SUMF1: variants seen among roughly 807,000 people sequenced by gnomAD.
SUMF1 encodes the protein formylglycine-generating enzyme.
In SUMF1, 48 loss-of-function variants were observed where a neutral mutation model predicts 47.6. That is an observed-to-expected ratio of 1.01 (90% CI 0.80 to 1.28). The LOEUF (loss-of-function observed/expected upper bound fraction) is 1.28, where lower values mean the gene tolerates loss of function less well. SUMF1 is among the 50% of genes most tolerant of loss of function. The probability of loss-of-function intolerance (pLI) is 0.00; values close to 1 mark genes in which losing one functional copy is unlikely to be tolerated. For synonymous variants in SUMF1, 230 were observed against 192.1 expected (o/e 1.20, Z -1.63); for missense variants, 571 against 485.4 (o/e 1.18, Z -1.66).
At chr3:4,291,118 A>G (rs1209470327) in intron 8 of SUMF1, among the ~76,000 whole-genome samples, 2 of 152,192 alleles carry the variant, frequency 1.3e-5, no homozygotes, top group Non-Finnish European at 2.9e-5. Flanking sequence ...TGTCCGCCAA[A>G]TATTATAATA....
chr3:4,267,646 A>C (rs1482105896), intron 8 of SUMF1, among the ~76,000 whole-genome samples: 81 of 152,004 alleles, frequency 5.3e-4, no homozygotes, highest in South Asian at 3.3e-3. Context: ...TGCTCACCAT[A>C]ACTGGCCATC....
intron 9 of SUMF1, among the ~76,000 whole-genome samples, chr3:4,034,745 A>AG (rs1352193153): frequency 6.6e-6 from 1 of 152,086 alleles, no homozygotes; most frequent in Non-Finnish European, 1.5e-5. Context: ...GCAATTGATG[A>AG]ACTACAATAC....
At chr3:4,436,861 A>C (rs1346313170) in intron 3 of SUMF1, among the ~76,000 whole-genome samples, 2 of 98,066 alleles carry the variant, frequency 2.0e-5, no homozygotes, top group Non-Finnish European at 5.4e-5. Flanking sequence ...TAAAAAAAAA[A>C]AAATACAAAA....
rs911275938 is a variant in SUMF1, at chr3:4,362,317, T to G, written c.1015-63A>C. The G allele has an allele frequency of 1.0e-5, 14 of 1,364,632 alleles. No individual in the cohort carries two copies. The African/African-American group carries it at 1.9e-4, about 18-fold the overall frequency. The allele number at this position is 1,364,632 out of a possible 1,614,324, so 84.5% of individuals were successfully genotyped here. A position where few individuals can be genotyped will look rare whatever the true frequency, so the allele number is the denominator to read the frequency against. ...ACTCTCAGCTGAAGGCTCTAACCCA[T>G]CAGATGCATATTGCACCGGCTGTAG... is the stretch of plus-strand genomic sequence containing the variant. On this transcript the variant is annotated intron_variant, in intron 8 of 8. Coordinates refer to ENST00000272902, the MANE Select transcript of SUMF1 (RefSeq NM_182760.4).
chr3:4,439,299 G>A (rs1014183421), intron 3 of SUMF1, among the ~76,000 whole-genome samples: 2 of 152,046 alleles, frequency 1.3e-5, no homozygotes, highest in African/African-American at 4.8e-5. Flanking sequence ...TGAGGCAGGC[G>A]GATCGCTTGA....
At chr3:4,132,552 C>T (rs1440296298) in intron 8 of SUMF1, among the ~76,000 whole-genome samples, 1 of 152,126 alleles carries the variant, frequency 6.6e-6, no homozygotes, top group Non-Finnish European at 1.5e-5. Context: ...AGTGGCACCA[C>T]TCACCATCAC....
chr3:4,363,656 A>G (rs1699848270), intron 8 of SUMF1, among the ~76,000 whole-genome samples: 2 of 150,696 alleles, frequency 1.3e-5, no homozygotes, highest in Non-Finnish European at 2.9e-5. Context: ...ATATACAATC[A>G]TGTCATCTGC....
chr3:4,382,250 A>G (rs1700527330), intron 7 of SUMF1, among the ~76,000 whole-genome samples: 1 of 152,116 alleles, frequency 6.6e-6, no homozygotes, highest in African/African-American at 2.4e-5. Context: ...AGCCATGCAT[A>G]CTATGCCTCC....
chr3:4,220,909 C>A (rs1049993543), intron 8 of SUMF1, among the ~76,000 whole-genome samples: 2 of 152,068 alleles, frequency 1.3e-5, no homozygotes, highest in African/African-American at 4.8e-5. Flanking sequence ...CATTTGAGTT[C>A]AGAGTATATA....
At chr3:4,112,566 C>T (rs1298878645) in intron 8 of SUMF1, among the ~76,000 whole-genome samples, 3 of 151,998 alleles carry the variant, frequency 2.0e-5, no homozygotes, top group Admixed American at 2.0e-4. Context: ...ATCTTGTGAC[C>T]ATCATAAAGA....
At chr3:4,172,374 T>C (rs953821707) in intron 8 of SUMF1, among the ~76,000 whole-genome samples, 1 of 152,122 alleles carries the variant, frequency 6.6e-6, no homozygotes, top group Non-Finnish European at 1.5e-5. Flanking sequence ...GTCTATAAAA[T>C]TTACACATGT....
chr3:4,419,850 A>C (rs1701832645), intron 4 of SUMF1, among the ~76,000 whole-genome samples: 1 of 152,252 alleles, frequency 6.6e-6, no homozygotes, highest in Non-Finnish European at 1.5e-5. Flanking sequence ...GGAGAGAAAG[A>C]GGCCACTAAT....
chr3:4,108,482 A>T (rs1040897705), intron 8 of SUMF1, among the ~76,000 whole-genome samples: 1 of 151,886 alleles, frequency 6.6e-6, no homozygotes. Context: ...TATCCTTGTT[A>T]ACTTTCTGTC....
chr3:4,316,874 G>C, intron 8 of SUMF1: 11 of 1,549,448 alleles, frequency 7.1e-6, no homozygotes, highest in Non-Finnish European at 9.6e-6. Context: ...AGTATGCTCA[G>C]GAAATCGATG....
intron 7 of SUMF1, among the ~76,000 whole-genome samples, chr3:4,384,959 CATT>C (rs1700625554): frequency 1.3e-5 from 2 of 151,644 alleles, no homozygotes; most frequent in Non-Finnish European, 2.9e-5. Context: ...AAGCTTGGGT[CATT>C]CCAACCTCCA....
intron 8 of SUMF1, among the ~76,000 whole-genome samples, chr3:4,114,908 G>A (rs1037400613): frequency 2.0e-5 from 3 of 152,090 alleles, no homozygotes; most frequent in Non-Finnish European, 2.9e-5. Context: ...TGTGATATGG[G>A]AAGAAGGCAG....
intron 8 of SUMF1, among the ~76,000 whole-genome samples, chr3:4,273,801 TGGG>T (rs2125039114): frequency 1.4e-4 from 1 of 7,146 alleles, no homozygotes; most frequent in East Asian, 5.7e-3. Flanking sequence ...GGGGAGGGCA[TGGG>T]AGGGGAGGGC....
intron 8 of SUMF1, among the ~76,000 whole-genome samples, chr3:4,118,573 A>G (rs141578867): frequency 2.0e-4 from 31 of 152,236 alleles, no homozygotes; most frequent in Admixed American, 6.5e-4. Flanking sequence ...TTCAAGTACT[A>G]TTTATACTTA....
chr3:4,130,775 A>T (rs548235005), intron 8 of SUMF1, among the ~76,000 whole-genome samples: 2 of 152,068 alleles, frequency 1.3e-5, no homozygotes, highest in African/African-American at 4.8e-5. Flanking sequence ...ACATTCCTCA[A>T]TTAGGTGTAT....
Sources: gnomAD v4.1 joint callset for allele counts (sites outside exome capture counted in the v4.1 genomes callset) on GRCh38, gnomAD v4.1.1 for gene constraint, MANE v1.5 for transcripts, NCBI Gene and HGNC (gene_info 2026-07-23, HGNC 2026-07-21) for gene names.